The following PALS1 variants were observed in gnomAD, a reference collection of about 807,000 sequenced individuals.
PALS1 encodes the protein protein associated with LIN7 1, MAGUK p55 family member.
In PALS1, 31 loss-of-function variants were observed where a neutral mutation model predicts 78.9. That is an observed-to-expected ratio of 0.39 (90% confidence interval 0.30 to 0.53). The LOEUF is 0.53. PALS1 is among the 20% of genes least tolerant of loss of function. The pLI is 0.67. For synonymous variants in PALS1, 276 were observed against 270.9 expected, an observed-to-expected ratio of 1.02 and a Z score of -0.18; for missense variants, 704 against 826.5, an observed-to-expected ratio of 0.85 and a Z score of 1.82.
Position 67,333,837 on chromosome 14 carries a change from T to A in PALS1, c.*881T>A, listed in dbSNP as rs1398861057. Reference sequence around the variant, plus strand: ...GACTTAAAAAGTTTCTTCCTCATGATGCTAATAGTTTTTTGTATACATGGG... The same window carrying A: ...GACTTAAAAAGTTTCTTCCTCATGAAGCTAATAGTTTTTTGTATACATGGG... On this transcript the variant is annotated 3_prime_UTR_variant, in exon 15 of 15. Transcript: ENST00000261681. 1.3e-5 allele frequency: 2 copies of A among 152,628 alleles called. No individual in the cohort carries two copies. Among genetic ancestry groups the A allele is most frequent in the Non-Finnish European group, 2.9e-5 (2 of 68,024 alleles). 9.5% of individuals were successfully genotyped at this position (152,628 alleles called of 1,614,324 possible). A position where few individuals can be genotyped will look rare whatever the true frequency, so the allele number is the denominator to read the frequency against.
In PALS1 at chr14:67,279,219, G is replaced by A. The variant is rs781290440; in HGVS notation, c.49G>A (p.Glu17Lys). 121 of 1,612,136 alleles carry A rather than the reference G, an allele frequency of 7.5e-5. No individual in the cohort carries two copies. The highest frequency in any genetic ancestry group is 9.4e-5 in the Non-Finnish European group (111 of 1,179,346). Residue 17 changes from glutamate (E) to lysine (K), a missense_variant, in exon 3 of 15, where the codon GAA (glutamate) becomes AAA (lysine). Glu to Lys is a moderately conservative substitution (Grantham distance 56, BLOSUM62 1). Coordinates refer to ENST00000261681, the MANE Select transcript of PALS1 (RefSeq NM_022474.4). ...GCATGTTACAGAGGAATCAGACAGC[G>A]AAGTAAAAAATGTTGATCTTGCATC... ...NGHVTEESDS[E>K]VKNVDLASPE...
chr14:67,279,919 G>T (rs1375448320), intron 3 of PALS1: 2 of 181,584 alleles, frequency 1.1e-5, no homozygotes, highest in African/African-American at 4.7e-5. Flanking sequence ...TAATAAATTT[G>T]TAACTACAGT....
rs1189459456 is a variant in PALS1, at chr14:67,302,135, C to T, written c.801+17C>T. On this transcript the variant is annotated intron_variant, in intron 6 of 14. Coordinates refer to ENST00000261681, the MANE Select transcript of PALS1 (RefSeq NM_022474.4). ...ATTCCGTTGGTAAGTGTCCCACATACTGTTTTTAAACAAGTGCATTTTTCT... is the reference window on the plus strand; with the variant it reads ...ATTCCGTTGGTAAGTGTCCCACATATTGTTTTTAAACAAGTGCATTTTTCT... 6.3e-7 allele frequency: 1 copy of T among 1,582,456 alleles called. No individual in the cohort carries two copies. The highest frequency in any genetic ancestry group is 8.6e-7 in the Non-Finnish European group (1 of 1,167,398).
chr14:67,336,053 A>G lies in PALS1; in HGVS notation c.*3097A>G, dbSNP rs1179835896. 6.6e-6 allele frequency: 1 copy of G among 152,306 alleles called. No individual in the cohort carries two copies. The highest frequency in any genetic ancestry group is 2.4e-5 in the African/African-American group (1 of 41,468). The allele number at this position is 152,306 out of a possible 1,614,324, so 9.4% of individuals were successfully genotyped here. On this transcript the variant is annotated 3_prime_UTR_variant, in exon 15 of 15. Coordinates refer to ENST00000261681, the MANE Select transcript of PALS1 (RefSeq NM_022474.4). ...ACAACTAAGTGTATTAAAGATGGAC[A>G]ACGCAAGGCTGTGAACTTGAAAGTT...
intron 14 of PALS1, among the ~76,000 whole-genome samples, chr14:67,331,681 A>G (rs769162459): frequency 2.0e-5 from 3 of 152,228 alleles, no homozygotes; most frequent in Admixed American, 6.5e-5. Context: ...ATTTTGGCAC[A>G]AAATGGAATA....
Position 67,335,030 on chromosome 14 carries a change from T to C in PALS1, c.*2074T>C, listed in dbSNP as rs2085508230. 1.3e-5 allele frequency: 2 copies of C among 152,182 alleles called. No homozygotes were observed. The highest frequency in any genetic ancestry group is 2.9e-5 in the Non-Finnish European group (2 of 68,030). 9.4% of individuals were successfully genotyped at this position (152,182 alleles called of 1,614,324 possible). A position where few individuals can be genotyped will look rare whatever the true frequency, so the allele number is the denominator to read the frequency against. ...AGACATTAGGCCTGCACTAGGGCCA[T>C]GTGCTGTCAAGATTCAGGAACATGG... is the stretch of plus-strand genomic sequence containing the variant. On this transcript the variant is annotated 3_prime_UTR_variant, in exon 15 of 15. Coordinates refer to ENST00000261681, the MANE Select transcript of PALS1 (RefSeq NM_022474.4).
chr14:67,324,354 T>C (rs900372152), intron 14 of PALS1, among the ~76,000 whole-genome samples: 39 of 152,324 alleles, frequency 2.6e-4, no homozygotes, highest in African/African-American at 9.4e-4. Context: ...CAGCATTGAC[T>C]TTTTATTTAA....
In PALS1 at chr14:67,334,934, C is replaced by CTAT. The variant is rs2085507041; in HGVS notation, c.*1980_*1982dup. On this transcript the variant is annotated 3_prime_UTR_variant, in exon 15 of 15. Transcript: ENST00000261681. ...ACTGTTTTCAACTCCAAGAGCTAAA[C>CTAT]TATTGGCAGTTCATGTTAAGTTAGA... 6.6e-6 allele frequency: 1 copy of CTAT among 152,192 alleles called. No individual in the cohort carries two copies. Among genetic ancestry groups the CTAT allele is most frequent in the Non-Finnish European group, 1.5e-5 (1 of 68,036 alleles). The allele number at this position is 152,192 out of a possible 1,614,324, so 9.4% of individuals were successfully genotyped here.
At chr14:67,245,884 A>G (rs1229171079) in intron 1 of PALS1, among the ~76,000 whole-genome samples, 2 of 151,864 alleles carry the variant, frequency 1.3e-5, no homozygotes, top group Non-Finnish European at 2.9e-5. Flanking sequence ...TCCAAGTTTT[A>G]TATTGTAATT....
At chr14:67,291,455 T>G (rs1019506200) in intron 3 of PALS1, among the ~76,000 whole-genome samples, 1 of 152,056 alleles carries the variant, frequency 6.6e-6, no homozygotes, top group Non-Finnish European at 1.5e-5. Flanking sequence ...CGGCTAATTT[T>G]TGTATTTTTA....
At chr14:67,269,222 A>G (rs1042877337) in intron 1 of PALS1, among the ~76,000 whole-genome samples, 1 of 152,176 alleles carries the variant, frequency 6.6e-6, no homozygotes, top group African/African-American at 2.4e-5. Context: ...TTTTCCAATA[A>G]TGTTTCATAT....
chr14:67,262,967 A>C (rs921015121), intron 1 of PALS1, among the ~76,000 whole-genome samples: 44 of 152,180 alleles, frequency 2.9e-4, no homozygotes, highest in African/African-American at 9.9e-4. Context: ...TTTAAAAAAA[A>C]CTTTGCTAGC....
At chr14:67,244,344 G>A (rs1307325591) in intron 1 of PALS1, among the ~76,000 whole-genome samples, 1 of 152,192 alleles carries the variant, frequency 6.6e-6, no homozygotes. Flanking sequence ...CCTTTTTAAT[G>A]CTGTAATCAT....
At position 67,256,057 on chromosome 14, in the gene PALS1, C is replaced by A. The variant is rs547355195; in HGVS notation, c.-236-13644C>A. Among the ~76,000 whole-genome samples, 6 of 151,972 alleles carry A rather than the reference C, an allele frequency of 3.9e-5. No homozygotes were observed. In the East Asian group the frequency reaches 1.2e-3, roughly 30 times the overall value. On this transcript the variant is annotated intron_variant, in intron 1 of 14. Coordinates refer to ENST00000261681, the MANE Select transcript of PALS1 (RefSeq NM_022474.4). ...TTGTTTGTTTTCAGAAAAGTAATAT[C>A]TTTGTGTTTTTTCCTCAAATTATAA...
intron 4 of PALS1, among the ~76,000 whole-genome samples, chr14:67,298,398 C>G (rs970628076): frequency 3.3e-5 from 5 of 151,644 alleles, no homozygotes; most frequent in Non-Finnish European, 7.4e-5. Flanking sequence ...ACCTGTAATC[C>G]CAGCTACTCA....
chr14:67,326,104 C>T (rs903439039), intron 14 of PALS1, among the ~76,000 whole-genome samples: 35 of 149,950 alleles, frequency 2.3e-4, no homozygotes, highest in African/African-American at 7.4e-4. Context: ...GGATTACAGG[C>T]GTGAGCCACC....
At chr14:67,311,996 T>G (rs888614004) in intron 8 of PALS1, 4 of 152,678 alleles carry the variant, frequency 2.6e-5, no homozygotes, top group African/African-American at 9.6e-5. Context: ...CCTGCTTAGA[T>G]GAAGAGATGT....
At chr14:67,282,202 T>G (rs183969949) in intron 3 of PALS1, among the ~76,000 whole-genome samples, 1 of 152,158 alleles carries the variant, frequency 6.6e-6, no homozygotes, top group Non-Finnish European at 1.5e-5. Context: ...TTTGCCAAAC[T>G]TTTTTTTCTT....
At chr14:67,297,898 A>C (rs1288958121) in intron 4 of PALS1, among the ~76,000 whole-genome samples, 2 of 152,214 alleles carry the variant, frequency 1.3e-5, no homozygotes, top group African/African-American at 2.4e-5. Flanking sequence ...CCCTATTGAT[A>C]ATTTTAGATC....
Sources: gnomAD v4.1 joint callset for allele counts (sites outside exome capture counted in the v4.1 genomes callset) on GRCh38, gnomAD v4.1.1 for gene constraint, MANE v1.5 for transcripts, NCBI Gene and HGNC (gene_info 2026-07-23, HGNC 2026-07-21) for gene names.